Variants in FAM135B observed in about 807,000 individuals in gnomAD.
FAM135B encodes the protein family with sequence similarity 135 member B, also known as protein FAM135B.
In FAM135B, 43 loss-of-function variants were observed where a neutral mutation model predicts 127.7. That is an observed-to-expected ratio of 0.34 (90% CI 0.26 to 0.43). The LOEUF is 0.43. Ranked by LOEUF, FAM135B falls within the 20% of genes least tolerant of loss-of-function variation. The probability of loss-of-function intolerance (pLI) is 1.00; values close to 1 mark genes in which losing one functional copy is unlikely to be tolerated. For synonymous variants in FAM135B, 670 were observed against 665.1 expected (o/e 1.01, Z -0.11); for missense variants, 1,558 against 1,725.6 (o/e 0.90, Z 1.72).
At chr8:138,232,663 C>T (rs960327459) in intron 7 of FAM135B, among the ~76,000 whole-genome samples, 8 of 152,142 alleles carry the variant, frequency 5.3e-5, no homozygotes, top group Non-Finnish European at 1.0e-4. Context: ...AAGTGCTTGA[C>T]ATCTTAATTC....
intron 2 of FAM135B, among the ~76,000 whole-genome samples, chr8:138,312,889 T>A (rs1008343848): frequency 6.6e-6 from 1 of 152,196 alleles, no homozygotes; most frequent in African/African-American, 2.4e-5. Flanking sequence ...AATGAGGGCA[T>A]ACATATGCCC....
chr8:138,155,256 G>C (rs1338592821), intron 12 of FAM135B, among the ~76,000 whole-genome samples: 1 of 152,184 alleles, frequency 6.6e-6, no homozygotes, highest in African/African-American at 2.4e-5. Context: ...GAGAGATTTT[G>C]TCACCACCAG....
intron 3 of FAM135B, among the ~76,000 whole-genome samples, chr8:138,282,757 T>C (rs576801293): frequency 6.6e-6 from 1 of 152,322 alleles, no homozygotes; most frequent in South Asian, 2.1e-4. Context: ...ACAGACACTT[T>C]GGGAGATCGT....
intron 1 of FAM135B, among the ~76,000 whole-genome samples, chr8:138,387,878 G>C (rs1339378332): frequency 1.3e-5 from 2 of 152,092 alleles, no homozygotes; most frequent in African/African-American, 4.8e-5. Flanking sequence ...GAAGCTAGAG[G>C]ATCTATTAAT....
intron 4 of FAM135B, among the ~76,000 whole-genome samples, chr8:138,257,551 T>TCGC (rs1367781935): frequency 6.6e-6 from 1 of 152,074 alleles, no homozygotes; most frequent in African/African-American, 2.4e-5. Context: ...ATACCAGATC[T>TCGC]CGCCACCACC....
At chr8:138,252,392 C>T (rs1821761854) in intron 5 of FAM135B, among the ~76,000 whole-genome samples, 1 of 152,180 alleles carries the variant, frequency 6.6e-6, no homozygotes, top group African/African-American at 2.4e-5. Flanking sequence ...TTACTGCTCA[C>T]TATTGCTTTG....
At chr8:138,474,507 T>C (rs1814280424) in intron 1 of FAM135B, among the ~76,000 whole-genome samples, 2 of 152,176 alleles carry the variant, frequency 1.3e-5, no homozygotes, top group Admixed American at 1.3e-4. Flanking sequence ...GTATAAAAGA[T>C]GCAAGCTTGT....
intron 1 of FAM135B, among the ~76,000 whole-genome samples, chr8:138,370,505 G>T (rs1831044719): frequency 6.6e-6 from 1 of 152,110 alleles, no homozygotes; most frequent in Non-Finnish European, 1.5e-5. Context: ...AGGCTGGAGT[G>T]CAGTGGCTCC....
chr8:138,382,342 C>T (rs1045905544), intron 1 of FAM135B, among the ~76,000 whole-genome samples: 7 of 152,268 alleles, frequency 4.6e-5, no homozygotes, highest in African/African-American at 1.7e-4. Flanking sequence ...AATGCCAATC[C>T]TCCTGAGGGG....
intron 2 of FAM135B, among the ~76,000 whole-genome samples, chr8:138,345,965 A>T (rs1335706635): frequency 6.6e-6 from 1 of 152,230 alleles, no homozygotes; most frequent in Non-Finnish European, 1.5e-5. Flanking sequence ...TTTACAAGAA[A>T]AAAACAACCC....
At chr8:138,239,519 T>G (rs888028716) in intron 7 of FAM135B, among the ~76,000 whole-genome samples, 1 of 152,238 alleles carries the variant, frequency 6.6e-6, no homozygotes, top group African/African-American at 2.4e-5. Context: ...CTGTTCACTC[T>G]GATGGTAGTT....
chr8:138,423,699 T>C (rs981076667), intron 1 of FAM135B, among the ~76,000 whole-genome samples: 2 of 152,154 alleles, frequency 1.3e-5, no homozygotes, highest in African/African-American at 2.4e-5. Context: ...TTTTCATTGA[T>C]AACATCTTAT....
chr8:138,199,929 G>A (rs560230033), intron 7 of FAM135B, among the ~76,000 whole-genome samples: 14 of 152,174 alleles, frequency 9.2e-5, no homozygotes, highest in Non-Finnish European at 1.3e-4. Context: ...TGTGGGTTGG[G>A]ACACAGAGCC....
chr8:138,269,490 A>T (rs1823199877), intron 3 of FAM135B, among the ~76,000 whole-genome samples: 1 of 152,192 alleles, frequency 6.6e-6, no homozygotes, highest in Non-Finnish European at 1.5e-5. Flanking sequence ...CCAGGCCTGA[A>T]GCCAGCTGGC....
At chr8:138,312,346 G>A (rs1858419) in intron 2 of FAM135B, among the ~76,000 whole-genome samples, 142,596 of 152,192 alleles carry the variant, frequency 0.94, 67,124 homozygotes, top group Non-Finnish European at 0.98. Flanking sequence ...CACAACAAAA[G>A]CTCTAACTGT....
chr8:138,139,397 T>C lies in FAM135B; in HGVS notation c.3791-301A>G, dbSNP rs192625137. ...CCGAAAAAGAAGCCTAGGGTAATAA[T>C]TTTCAATGCGAAAAGAATATAAAAT... On this transcript the variant is annotated intron_variant, in intron 17 of 19. Coordinates refer to ENST00000395297, the MANE Select transcript of FAM135B (RefSeq NM_015912.4). Among the ~76,000 whole-genome samples the C allele has an allele frequency of 3.0e-3, 460 of 152,274 alleles. 1 individual carries two copies. The highest frequency in any genetic ancestry group is 0.01 in the African/African-American group (424 of 41,558).
At chr8:138,421,002 G>A (rs1298452090) in intron 1 of FAM135B, among the ~76,000 whole-genome samples, 11 of 152,140 alleles carry the variant, frequency 7.2e-5, no homozygotes, top group Admixed American at 1.3e-4. Flanking sequence ...AGAGCAATAA[G>A]GCAAGAGAAA....
At chr8:138,403,096 T>C (rs1013785504) in intron 1 of FAM135B, among the ~76,000 whole-genome samples, 22 of 152,194 alleles carry the variant, frequency 1.4e-4, no homozygotes, top group Admixed American at 3.9e-4. Flanking sequence ...AATAAGTGTT[T>C]GCTGTTTAAG....
intron 3 of FAM135B, among the ~76,000 whole-genome samples, chr8:138,301,951 C>T (rs1273706727): frequency 5.3e-5 from 8 of 152,112 alleles, no homozygotes; most frequent in South Asian, 2.1e-4. Context: ...GTGCCTGGCA[C>T]ACAGGAGGCC....
Sources: gnomAD v4.1 joint callset for allele counts (sites outside exome capture counted in the v4.1 genomes callset) on GRCh38, gnomAD v4.1.1 for gene constraint, MANE v1.5 for transcripts, NCBI Gene and HGNC (gene_info 2026-07-23, HGNC 2026-07-21) for gene names.